Variants in ROBO2 observed in about 807,000 individuals in gnomAD.
The protein encoded by ROBO2 is roundabout guidance receptor 2, also known as roundabout homolog 2.
A neutral mutation model predicts 160.8 loss-of-function variants in ROBO2; 53 were observed. The observed-to-expected ratio is 0.33, with a 90% CI of 0.26 to 0.41. The LOEUF (loss-of-function observed/expected upper bound fraction) is 0.41. ROBO2 is among the 10% of genes least tolerant of loss of function. The pLI is 1.00. For missense variants in ROBO2, 1,577 were observed against 1,722.4 expected (o/e 0.92, Z 1.49); for synonymous variants, 664 against 611.7 (o/e 1.09, Z -1.26).
At chr3:76,317,652 C>T (rs1299129112) in intron 2 of ROBO2, among the ~76,000 whole-genome samples, 1 of 152,050 alleles carries the variant, frequency 6.6e-6, no homozygotes, top group Non-Finnish European at 1.5e-5. Context: ...AATACCTTAT[C>T]TTTCTTACAA....
At chr3:76,428,615 A>C (rs1222222492) in intron 2 of ROBO2, among the ~76,000 whole-genome samples, 1 of 152,050 alleles carries the variant, frequency 6.6e-6, no homozygotes, top group African/African-American at 2.4e-5. Context: ...GTCTAACAGA[A>C]ACAAAAAAAA....
chr3:76,578,816 A>G (rs961420641), intron 2 of ROBO2, among the ~76,000 whole-genome samples: 1 of 152,152 alleles, frequency 6.6e-6, no homozygotes, highest in Admixed American at 6.6e-5. Flanking sequence ...CTGGACACCT[A>G]AAGGAATTTC....
chr3:76,298,771 A>AT (rs1709211800), intron 2 of ROBO2, among the ~76,000 whole-genome samples: 1 of 152,190 alleles, frequency 6.6e-6, no homozygotes, highest in Non-Finnish European at 1.5e-5. Context: ...CCAGGATTCC[A>AT]TATTCTCTGT....
chr3:77,156,757 A>C (rs1172952561), intron 2 of ROBO2, among the ~76,000 whole-genome samples: 1 of 149,952 alleles, frequency 6.7e-6, no homozygotes, highest in African/African-American at 2.4e-5. Flanking sequence ...AGAATATATA[A>C]AAATATTTAT....
In ROBO2 at chr3:76,384,868, A is replaced by G. The variant is rs143966988; in HGVS notation, c.109+447266A>G. 4.1e-4 allele frequency among the ~76,000 whole-genome samples: 62 copies of G among 152,336 alleles called. No homozygotes were observed. The East Asian group carries it at 5.4e-3, about 13-fold the overall frequency. On this transcript the variant is annotated intron_variant, in intron 2 of 26. Coordinates refer to the ROBO2 transcript ENST00000487694. ...TGAGGATTAGGGGAACTACAATTCAAAATGAGATTTGGGTGGGGACACAGC... is the reference window on the plus strand; with the variant it reads ...TGAGGATTAGGGGAACTACAATTCAGAATGAGATTTGGGTGGGGACACAGC...
intron 2 of ROBO2, among the ~76,000 whole-genome samples, chr3:76,358,201 C>T (rs182180449): frequency 1.6e-4 from 24 of 152,042 alleles, no homozygotes; most frequent in African/African-American, 5.8e-4. Flanking sequence ...GTGTAAGAGT[C>T]CCCTTACTTG....
chr3:77,422,562 A>G (rs1052058260), intron 2 of ROBO2, among the ~76,000 whole-genome samples: 1 of 152,178 alleles, frequency 6.6e-6, no homozygotes, highest in African/African-American at 2.4e-5. Context: ...GCTCAATGAT[A>G]TCGAACCACA....
At chr3:77,269,802 T>G (rs1314406154) in intron 2 of ROBO2, among the ~76,000 whole-genome samples, 1 of 152,148 alleles carries the variant, frequency 6.6e-6, no homozygotes, top group African/African-American at 2.4e-5. Flanking sequence ...TCTCCATAGT[T>G]TTCAGAAAAT....
At chr3:77,478,961 C>T (rs2084362061) in intron 3 of ROBO2, among the ~76,000 whole-genome samples, 1 of 152,060 alleles carries the variant, frequency 6.6e-6, no homozygotes, top group Non-Finnish European at 1.5e-5. Flanking sequence ...GAAGAGCATA[C>T]AAATGTATTT....
intron 2 of ROBO2, among the ~76,000 whole-genome samples, chr3:76,412,833 G>C (rs959845797): frequency 6.6e-6 from 1 of 152,174 alleles, no homozygotes; most frequent in Non-Finnish European, 1.5e-5. Flanking sequence ...CCATTCTGGG[G>C]TCTGCAGGAC....
At chr3:76,157,475 GA>G (rs1447560803) in intron 2 of ROBO2, among the ~76,000 whole-genome samples, 1 of 152,132 alleles carries the variant, frequency 6.6e-6, no homozygotes, top group African/African-American at 2.4e-5. Flanking sequence ...ATATAATCAA[GA>G]ATTGATTGCA....
intron 21 of ROBO2, among the ~76,000 whole-genome samples, chr3:77,610,377 C>G (rs2094604421): frequency 6.6e-6 from 1 of 152,070 alleles, no homozygotes; most frequent in Admixed American, 6.6e-5. Context: ...TCCTGACACA[C>G]ACACATGCAC....
chr3:76,487,528 A>T (rs3849500), intron 2 of ROBO2, among the ~76,000 whole-genome samples: 96,201 of 152,048 alleles, frequency 0.63, 31,048 homozygotes, highest in African/African-American at 0.76. Context: ...TCTGTTTAAG[A>T]TTTTAAAGTA....
Position 76,857,131 on chromosome 3 carries a change from GC to G in ROBO2, c.110-240880del, listed in dbSNP as rs780172194. 1.4e-4 allele frequency among the ~76,000 whole-genome samples: 21 copies of G among 152,110 alleles called. No individual in the cohort carries two copies. In the South Asian group the frequency reaches 3.9e-3, roughly 29 times the overall value. ...CTCCGGAGTAGCTGGGACTACAGGC[GC>G]CCGCCACCACGCCCGGATAATTTTT... On this transcript the variant is annotated intron_variant, in intron 2 of 26. Transcript: ENST00000487694.
At chr3:76,532,774 G>A (rs2082297329) in intron 2 of ROBO2, among the ~76,000 whole-genome samples, 2 of 152,164 alleles carry the variant, frequency 1.3e-5, no homozygotes, top group Non-Finnish European at 2.9e-5. Flanking sequence ...GTTCTACATT[G>A]ATAATCCTGA....
At chr3:76,799,919 C>T (rs2064070963) in intron 2 of ROBO2, among the ~76,000 whole-genome samples, 1 of 152,130 alleles carries the variant, frequency 6.6e-6, no homozygotes, top group African/African-American at 2.4e-5. Flanking sequence ...CCAAAGCTGT[C>T]TTGAGCAAAA....
At chr3:76,373,082 A>G (rs2076181379) in intron 2 of ROBO2, among the ~76,000 whole-genome samples, 1 of 152,028 alleles carries the variant, frequency 6.6e-6, no homozygotes, top group South Asian at 2.1e-4. Flanking sequence ...AATAATTAAG[A>G]AATAAGAGCA....
At chr3:76,426,366 G>C (rs140586858) in intron 2 of ROBO2, among the ~76,000 whole-genome samples, 3 of 152,234 alleles carry the variant, frequency 2.0e-5, no homozygotes, top group African/African-American at 7.2e-5. Flanking sequence ...AATAGCCAGG[G>C]AATATTGAGG....
At chr3:77,397,374 T>C (rs2075378591) in intron 2 of ROBO2, among the ~76,000 whole-genome samples, 1 of 152,154 alleles carries the variant, frequency 6.6e-6, no homozygotes. Context: ...ACAGCAATAA[T>C]CAGAGATATT....
Sources: gnomAD v4.1 joint callset for allele counts (sites outside exome capture counted in the v4.1 genomes callset) on GRCh38, gnomAD v4.1.1 for gene constraint, MANE v1.5 for transcripts, NCBI Gene and HGNC (gene_info 2026-07-23, HGNC 2026-07-21) for gene names.